Variants in LRRC7 observed in about 807,000 individuals in gnomAD.
The protein encoded by LRRC7 is leucine rich repeat containing 7.
In LRRC7, 23 loss-of-function variants were observed where a neutral mutation model predicts 175.7. That is an observed-to-expected ratio of 0.13 (90% confidence interval 0.09 to 0.19). The LOEUF (loss-of-function observed/expected upper bound fraction) is 0.19. LRRC7 is among the 10% of genes least tolerant of loss of function. The probability of loss-of-function intolerance (pLI) is 1.00; values close to 1 mark genes in which losing one functional copy is unlikely to be tolerated. For synonymous variants in LRRC7, 685 were observed against 680.9 expected, an observed-to-expected ratio of 1.01 and a Z score of -0.09; for missense variants, 1,354 against 1,904.7, an observed-to-expected ratio of 0.71 and a Z score of 5.38.
chr1:69,649,742 T>C (rs1655510901), intron 1 of LRRC7, among the ~76,000 whole-genome samples: 1 of 152,122 alleles, frequency 6.6e-6, no homozygotes, highest in Admixed American at 6.5e-5. Flanking sequence ...CTCCTAAGCC[T>C]GGTTCTTTTA....
intron 2 of LRRC7, among the ~76,000 whole-genome samples, chr1:69,724,483 C>T (rs759643549): frequency 6.6e-6 from 1 of 152,092 alleles, no homozygotes; most frequent in Non-Finnish European, 1.5e-5. Flanking sequence ...ATAAACATTG[C>T]TTATGATAAT....
intron 8 of LRRC7, among the ~76,000 whole-genome samples, chr1:69,948,931 G>C (rs1189945434): frequency 6.6e-6 from 1 of 152,132 alleles, no homozygotes; most frequent in African/African-American, 2.4e-5. Flanking sequence ...TTAGAAGTCA[G>C]TGGGAGCAGA....
At chr1:69,692,502 CT>C (rs774777700) in intron 2 of LRRC7, among the ~76,000 whole-genome samples, 2 of 152,250 alleles carry the variant, frequency 1.3e-5, no homozygotes, top group Non-Finnish European at 2.9e-5. Flanking sequence ...TCAATCCCTA[CT>C]TTTTCGTGGG....
intron 1 of LRRC7, among the ~76,000 whole-genome samples, chr1:69,600,478 T>C (rs1647008898): frequency 6.6e-6 from 1 of 152,186 alleles, no homozygotes; most frequent in Non-Finnish European, 1.5e-5. Context: ...TGTGTTATTT[T>C]TGTTCTCATA....
chr1:69,823,947 C>T (rs943264980), intron 4 of LRRC7, among the ~76,000 whole-genome samples: 39 of 152,110 alleles, frequency 2.6e-4, no homozygotes, highest in African/African-American at 8.9e-4. Flanking sequence ...GATTCCATCT[C>T]GAGCCAACAG....
intron 1 of LRRC7, among the ~76,000 whole-genome samples, chr1:69,630,197 T>C (rs1652266421): frequency 6.6e-6 from 1 of 152,188 alleles, no homozygotes; most frequent in Non-Finnish European, 1.5e-5. Context: ...AATTTTCTAT[T>C]AATAGCAAAC....
intron 15 of LRRC7, among the ~76,000 whole-genome samples, chr1:70,019,366 C>A (rs1657246760): frequency 6.6e-6 from 1 of 151,924 alleles, no homozygotes; most frequent in African/African-American, 2.4e-5. Flanking sequence ...ATAATTAAAT[C>A]TTCTCTTCTA....
At chr1:70,119,048 T>C (rs1487081881) in intron 26 of LRRC7, among the ~76,000 whole-genome samples, 1 of 109,780 alleles carries the variant, frequency 9.1e-6, no homozygotes, top group Admixed American at 8.6e-5. Context: ...GATTTGGTGC[T>C]TTTTTTTTTG....
At chr1:69,928,408 C>A (rs188436627) in intron 7 of LRRC7, among the ~76,000 whole-genome samples, 69 of 152,220 alleles carry the variant, frequency 4.5e-4, no homozygotes, top group African/African-American at 1.7e-3. Context: ...CTGCCCCCAG[C>A]GGTGGAGCCT....
At chr1:69,616,092 T>G (rs1364687824) in intron 1 of LRRC7, among the ~76,000 whole-genome samples, 1 of 152,100 alleles carries the variant, frequency 6.6e-6, no homozygotes, top group Non-Finnish European at 1.5e-5. Context: ...GAATCCAATG[T>G]CATGTTAGCA....
At chr1:70,098,774 G>T (rs1445433064) in intron 25 of LRRC7, among the ~76,000 whole-genome samples, 2 of 151,132 alleles carry the variant, frequency 1.3e-5, no homozygotes, top group Non-Finnish European at 3.0e-5. Flanking sequence ...AAACCAGGAA[G>T]AAGTTGAATC....
At chr1:69,897,902 A>G (rs138660406) in intron 7 of LRRC7, among the ~76,000 whole-genome samples, 2 of 152,326 alleles carry the variant, frequency 1.3e-5, no homozygotes, top group South Asian at 2.1e-4. Context: ...GAGAGTTTCT[A>G]TATTACTTGC....
intron 2 of LRRC7, among the ~76,000 whole-genome samples, chr1:69,715,098 G>T (rs1665196402): frequency 6.7e-6 from 1 of 150,366 alleles, no homozygotes; most frequent in South Asian, 2.1e-4. Flanking sequence ...TGTAAAATTG[G>T]CTTGTTTAAG....
intron 1 of LRRC7, among the ~76,000 whole-genome samples, chr1:69,671,997 A>G (rs914394159): frequency 1.3e-5 from 2 of 152,088 alleles, no homozygotes; most frequent in Admixed American, 1.3e-4. Context: ...GGTTCTTATG[A>G]AGGCACTTTA....
At chr1:70,029,640 G>A (rs1448550769) in intron 18 of LRRC7, among the ~76,000 whole-genome samples, 1 of 151,966 alleles carries the variant, frequency 6.6e-6, no homozygotes, top group African/African-American at 2.4e-5. Flanking sequence ...CAATATAAAG[G>A]GGAAGGAAAC....
intron 1 of LRRC7, among the ~76,000 whole-genome samples, chr1:69,677,676 T>C (rs1464873227): frequency 6.6e-6 from 1 of 152,164 alleles, no homozygotes; most frequent in East Asian, 1.9e-4. Context: ...GATATGCTTT[T>C]TCTTTCTGAA....
intron 8 of LRRC7, among the ~76,000 whole-genome samples, chr1:69,949,680 C>T (rs1649715363): frequency 6.6e-6 from 1 of 151,978 alleles, no homozygotes; most frequent in African/African-American, 2.4e-5. Context: ...GGTATTTTAA[C>T]AATGCCATAA....
intron 24 of LRRC7, among the ~76,000 whole-genome samples, chr1:70,082,660 C>T (rs1002544374): frequency 4.6e-5 from 7 of 151,750 alleles, no homozygotes; most frequent in African/African-American, 1.7e-4. Context: ...AATTTATTTC[C>T]AGACTAAAAA....
intron 2 of LRRC7, among the ~76,000 whole-genome samples, chr1:69,698,613 G>C (rs924863802): frequency 2.6e-5 from 4 of 152,166 alleles, no homozygotes; most frequent in Non-Finnish European, 4.4e-5. Flanking sequence ...CAGGCTCATG[G>C]CATTCTCCTT....
Sources: allele counts gnomAD v4.1 joint callset (sites outside exome capture counted in the v4.1 genomes callset), GRCh38; gene constraint gnomAD v4.1.1; transcripts MANE v1.5; gene names NCBI Gene and HGNC (gene_info 2026-07-23, HGNC 2026-07-21).